The following AOX1 variants were observed in gnomAD, a reference collection of about 807,000 sequenced individuals.
The protein encoded by AOX1 is aldehyde oxidase 1.
In AOX1, 153 loss-of-function variants were observed where a neutral mutation model predicts 169.5. The ratio of observed to expected loss-of-function variants is 0.90; its 90% CI spans 0.79 to 1.03. The LOEUF (loss-of-function observed/expected upper bound fraction) is 1.03, where lower values mean the gene tolerates loss of function less well. Ranked by LOEUF, AOX1 falls within the 50% of genes least tolerant of loss-of-function variation. The probability of loss-of-function intolerance (pLI) is 0.00; values close to 1 mark genes in which losing one functional copy is unlikely to be tolerated. For synonymous variants in AOX1, 562 were observed against 581.9 expected (o/e 0.97, Z 0.49); for missense variants, 1,656 against 1,663.9 (o/e 1.00, Z 0.08).
At chr2:200,609,461 C>T (rs756898320) in intron 12 of AOX1, 47 bp downstream of exon 12, 23 of 1,491,472 alleles carry the variant, frequency 1.5e-5, no homozygotes, top group Admixed American at 6.7e-5. Context: ...TTTCTCTACC[C>T]CTTTTTCTCT....
Position 200,662,937 on chromosome 2 carries a change from G to T in AOX1, c.3511G>T (p.Val1171Phe). The T allele has an allele frequency of 6.2e-7, 1 of 1,614,110 alleles. No individual in the cohort carries two copies. The highest frequency in any genetic ancestry group is 8.5e-7 in the Non-Finnish European group (1 of 1,179,956). The change falls in exon 31 of 35, where the codon GTT becomes TTT. Residue 1171 changes from valine to phenylalanine, a missense_variant. Physicochemically the swap from Val to Phe is conservative, Grantham distance 50. Coordinates refer to ENST00000374700, the MANE Select transcript of AOX1 (RefSeq NM_001159.4). ...TGTTTATGGAGCTGCCTGTTCCGAG[G>T]TTGAAATAGACTGCCTGACGGGGGA... is the stretch of plus-strand genomic sequence containing the variant. ...YFVYGAACSE[V>F]EIDCLTGDHK...
chr2:200,595,122 A>G, intron 2 of AOX1, 150 bp from the exon 3 acceptor site: 1 of 454,510 alleles, frequency 2.2e-6, no homozygotes, highest in Non-Finnish European at 4.0e-6. Context: ...CTTCTATAAT[A>G]GTAATTAAGA....
In AOX1 at chr2:200,659,248, C is replaced by T; in HGVS notation, c.3255C>T (p.Ile1085=). Residue 1085 remains isoleucine (I), a synonymous_variant, in exon 28 of 35, where the codon ATC becomes ATT. Transcript: ENST00000374700. ...TSTETVPNAN[I]SGGSVVADLN... is the part of the protein sequence containing the mutation. ...CAGAAACTGTCCCTAATGCAAATAT[C>T]TCTGGAGGTTCTGTGGTGGCAGATC... 2 of 1,613,940 alleles carry T rather than the reference C, an allele frequency of 1.2e-6. No individual in the cohort carries two copies. The highest frequency in any genetic ancestry group is 1.3e-5 in the African/African-American group (1 of 75,036).
At position 200,635,306 on chromosome 2, in the gene AOX1, C is replaced by G. The variant is rs533702039; in HGVS notation, c.2346+391C>G. On this transcript the variant is annotated intron_variant, in intron 21 of 34. Transcript: ENST00000374700. ...AACCAGTTATGGAATCAGCAGATCT[C>G]TTGCTCAGCTCTTGGCACCACTGTT... is the stretch of plus-strand genomic sequence containing the variant. Among the ~76,000 whole-genome samples the G allele has an allele frequency of 3.7e-4, 57 of 152,260 alleles. 1 individual carries two copies. In the South Asian group the frequency reaches 9.7e-3, roughly 26 times the overall value.
At position 200,636,763 on chromosome 2, in the gene AOX1, G is replaced by T. The variant is rs191899441; in HGVS notation, c.2347-148G>T. ...TATGGGTATCATGTGCAACATTAAA[G>T]AATCAAAACATCTAGTGACTGTCAC... On this transcript the variant is annotated intron_variant, in intron 21 of 34. Coordinates refer to ENST00000374700, the MANE Select transcript of AOX1 (RefSeq NM_001159.4). 18 of 911,334 alleles carry T rather than the reference G, an allele frequency of 2.0e-5. No individual in the cohort carries two copies. The East Asian group carries it at 4.2e-4, about 21-fold the overall frequency. The allele number at this position is 911,334 out of a possible 1,614,324, so 56.5% of individuals were successfully genotyped here. A position where few individuals can be genotyped will look rare whatever the true frequency, so the allele number is the denominator to read the frequency against.
Position 200,659,135 on chromosome 2 carries a change from T to A in AOX1, c.3172-30T>A, listed in dbSNP as rs774753423. ...CACAGGTCTGTGACTAATCAAAGTG[T>A]TTAAAAGGAAACTCTCTCTTAAAAT... On this transcript the variant is annotated intron_variant, in intron 27 of 34. Transcript: ENST00000374700. 3 of 1,610,044 alleles carry A rather than the reference T, an allele frequency of 1.9e-6. No homozygotes were observed. The Admixed American group carries it at 5.0e-5, about 27-fold the overall frequency.
intron 12 of AOX1, among the ~76,000 whole-genome samples, chr2:200,610,131 G>T (rs1386911153): frequency 5.9e-5 from 9 of 151,500 alleles, no homozygotes; most frequent in Admixed American, 1.3e-4. Context: ...GAGTGCAGTG[G>T]CACAATCTCA....
intron 31 of AOX1, among the ~76,000 whole-genome samples, chr2:200,663,314 A>G (rs2035863600): frequency 6.6e-6 from 1 of 152,176 alleles, no homozygotes; most frequent in Admixed American, 6.5e-5. Flanking sequence ...AAGATATGAC[A>G]TTCTTGAAGG....
In AOX1 at chr2:200,661,459, C is replaced by A; in HGVS notation, c.3376-120C>A. On this transcript the variant is annotated intron_variant, in intron 29 of 34. Transcript: ENST00000374700. ...CAAAAGGAATGGATTAATCTGGGTC[C>A]TTCCTGGTTACTATTGCTGATAGTT... 9.0e-6 allele frequency: 7 copies of A among 779,160 alleles called. No homozygotes were observed. In the South Asian group the frequency reaches 9.7e-5, roughly 11 times the overall value. 48.3% of individuals were successfully genotyped at this position (779,160 alleles called of 1,614,324 possible).
intron 19 of AOX1, among the ~76,000 whole-genome samples, chr2:200,624,444 T>G (rs1356449338): frequency 6.6e-6 from 1 of 151,338 alleles, no homozygotes; most frequent in African/African-American, 2.4e-5. Flanking sequence ...TGTAGGGGAG[T>G]GTAGGAAACT....
chr2:200,679,164 T>C (rs1243598665), downstream of AOX1, among the ~76,000 whole-genome samples: 2 of 152,258 alleles, frequency 1.3e-5, no homozygotes, highest in Non-Finnish European at 2.9e-5. Context: ...ATTTATGTCA[T>C]GGCCCAGCTC....
intron 25 of AOX1, among the ~76,000 whole-genome samples, chr2:200,650,500 G>A (rs1356638727): frequency 2.6e-5 from 4 of 152,078 alleles, no homozygotes; most frequent in Admixed American, 2.6e-4. Context: ...AGACATCCTG[G>A]GATAGAATCT....
At chr2:200,599,780 TTTTATTTA>T in intron 5 of AOX1, 34 bp downstream of exon 5, 4 of 1,387,648 alleles carry the variant, frequency 2.9e-6, no homozygotes, top group Non-Finnish European at 3.8e-6. Context: ...ATTTTTTAAT[TTTTATTTA>T]TTTATTTATT....
At position 200,642,635 on chromosome 2, in the gene AOX1, T is replaced by C. The variant is rs1399154024; in HGVS notation, c.2681T>C (p.Met894Thr). The C allele has an allele frequency of 1.9e-6, 3 of 1,613,886 alleles. No homozygotes were observed. The East Asian group carries it at 6.7e-5, about 36-fold the overall frequency. Residue 894 changes from methionine (M) to threonine (T), a missense_variant, in exon 25 of 35, where the codon ATG (methionine) becomes ACG (threonine). By Grantham distance (81) the Met-to-Thr change is moderately conservative. Coordinates refer to ENST00000374700, the MANE Select transcript of AOX1 (RefSeq NM_001159.4). ...LFVIEMGLLK[M>T]DNAYKFPNLR... The stretch of plus-strand genomic sequence containing the variant: ...GTGATAGAAATGGGACTTCTGAAAA[T>C]GGACAATGCTTACAAGTTTCCCAAT...
chr2:200,611,150 C>T (rs899666339), intron 12 of AOX1, among the ~76,000 whole-genome samples: 1 of 152,138 alleles, frequency 6.6e-6, no homozygotes, highest in African/African-American at 2.4e-5. Context: ...CCACCACGCC[C>T]AGTCGATGTT....
chr2:200,659,791 C>CACAT (rs1553578815), intron 28 of AOX1, among the ~76,000 whole-genome samples: 3 of 86,520 alleles, frequency 3.5e-5, no homozygotes, highest in Admixed American at 1.5e-4. Flanking sequence ...CTCTCTCACA[C>CACAT]ACACACACAC....
intron 3 of AOX1, among the ~76,000 whole-genome samples, chr2:200,596,579 CTG>C (rs2034288442): frequency 6.6e-6 from 1 of 152,178 alleles, no homozygotes; most frequent in Non-Finnish European, 1.5e-5. Flanking sequence ...GTATTTGAAT[CTG>C]TTGTTATCAG....
intron 20 of AOX1, among the ~76,000 whole-genome samples, chr2:200,630,645 G>T (rs964751396): frequency 6.6e-6 from 1 of 151,968 alleles, no homozygotes; most frequent in African/African-American, 2.4e-5. Flanking sequence ...AAAGACAAGG[G>T]AAGGCAAAAG....
At chr2:200,647,943 TG>T (rs200751256) in intron 25 of AOX1, among the ~76,000 whole-genome samples, 2 of 123,592 alleles carry the variant, frequency 1.6e-5, no homozygotes, top group Middle Eastern at 3.7e-3. Context: ...ATTTTTTTAT[TG>T]TTTTTTTCTT....
Sources: gnomAD v4.1 joint callset for allele counts (sites outside exome capture counted in the v4.1 genomes callset) on GRCh38, gnomAD v4.1.1 for gene constraint, MANE v1.5 for transcripts, NCBI Gene and HGNC (gene_info 2026-07-23, HGNC 2026-07-21) for gene names.